Variants in KAT6B observed in about 807,000 individuals in gnomAD.
KAT6B encodes lysine acetyltransferase 6B.
Under a neutral mutation model 187.5 loss-of-function variants are expected in KAT6B, and 10 were observed. That is an observed-to-expected ratio of 0.05 (90% CI 0.03 to 0.09). KAT6B has a LOEUF of 0.09. Among genes scored for constraint, KAT6B ranks in the 10% least tolerant of loss-of-function variants. KAT6B has a pLI of 1.00. For synonymous variants in KAT6B, 861 were observed against 926.8 expected, an observed-to-expected ratio of 0.93 and a Z score of 1.29; for missense variants, 1,952 against 2,558.9, an observed-to-expected ratio of 0.76 and a Z score of 5.12.
chr10:74,895,721 A>G (rs189801576), intron 3 of KAT6B, among the ~76,000 whole-genome samples: 25 of 152,108 alleles, frequency 1.6e-4, no homozygotes, highest in Admixed American at 5.2e-4. Context: ...TGTATTTTTA[A>G]TAAAGATGAA....
In KAT6B at chr10:75,030,165, C is replaced by G. The variant is rs1364129078; in HGVS notation, c.5341C>G (p.Leu1781Val). 2 of 1,614,270 alleles carry G rather than the reference C, an allele frequency of 1.2e-6. No individual in the cohort carries two copies. The highest frequency in any genetic ancestry group is 2.2e-5 in the South Asian group (2 of 91,090). Residue 1781 changes from leucine to valine, a missense_variant, in exon 18 of 18, where the codon CTG becomes GTG. By Grantham distance (32) the Leu-to-Val change is conservative. Coordinates refer to ENST00000287239, the MANE Select transcript of KAT6B (RefSeq NM_012330.4). This position sits in a 1 kb window ranked among gnomAD's most constrained non-coding sequence, Gnocchi z 4.8. Reference sequence around the variant, plus strand: ...TGCTAACTTCACCCCACCCATGCAGCTGGCTGAAATCCCCGAGACGAGCAA... The same window carrying G: ...TGCTAACTTCACCCCACCCATGCAGGTGGCTGAAATCCCCGAGACGAGCAA... ...MAANFTPPMQ[L>V]AEIPETSNAN... is the part of the protein sequence containing the mutation.
intron 3 of KAT6B, among the ~76,000 whole-genome samples, chr10:74,864,083 T>C (rs545129323): frequency 6.6e-6 from 1 of 152,184 alleles, no homozygotes; most frequent in African/African-American, 2.4e-5. Flanking sequence ...GTTGTTGTTT[T>C]TTTGAGACAG....
chr10:74,907,625 G>A (rs749738572), intron 3 of KAT6B, among the ~76,000 whole-genome samples: 1 of 151,994 alleles, frequency 6.6e-6, no homozygotes, highest in Non-Finnish European at 1.5e-5. Flanking sequence ...TGCCTCCTGG[G>A]TTCAAGCAAT....
intron 1 of KAT6B, among the ~76,000 whole-genome samples, chr10:74,837,971 G>A (rs1334473165): frequency 2.0e-5 from 3 of 152,052 alleles, no homozygotes; most frequent in African/African-American, 4.8e-5. Flanking sequence ...AGATTAAATC[G>A]AGGAGTGGGG....
intron 7 of KAT6B, 57 bp from the exon 8 acceptor site, chr10:74,975,342 A>T: frequency 6.7e-7 from 1 of 1,485,686 alleles, no homozygotes; most frequent in Non-Finnish European, 9.3e-7. Flanking sequence ...TTGTTTTTAG[A>T]TACCTTTATA....
chr10:74,888,500 A>G (rs186993601), intron 3 of KAT6B, among the ~76,000 whole-genome samples: 1 of 152,348 alleles, frequency 6.6e-6, no homozygotes, highest in East Asian at 1.9e-4. Flanking sequence ...AACTTCATTA[A>G]TAATTAGTGA....
intron 3 of KAT6B, among the ~76,000 whole-genome samples, chr10:74,919,087 G>A (rs1326445145): frequency 1.3e-5 from 2 of 151,962 alleles, no homozygotes; most frequent in African/African-American, 4.8e-5. Flanking sequence ...GCCAGGCGTG[G>A]TGGCAGGTGC....
Position 75,029,426 on chromosome 10 carries a change from C to T in KAT6B, c.4602C>T (p.Thr1534=), listed in dbSNP as rs766230039. The T allele has an allele frequency of 2.5e-6, 4 of 1,614,086 alleles. No individual in the cohort carries two copies. In the South Asian group the frequency reaches 4.4e-5, roughly 18 times the overall value. ...DTEFKEGNPA[T]MEIDSETVQA... ...AGTTCAAAGAGGGAAACCCAGCAAC[C>T]ATGGAAATCGACTCTGAGACTGTCC... The change falls in exon 18 of 18, where the codon ACC becomes ACT. Residue 1534 remains threonine, a synonymous_variant. Coordinates refer to ENST00000287239, the MANE Select transcript of KAT6B (RefSeq NM_012330.4). The surrounding 1 kb of genome is among the most constrained non-coding windows in gnomAD (Gnocchi z 6.2).
At chr10:74,968,947 G>A (rs151117134) in intron 4 of KAT6B, among the ~76,000 whole-genome samples, 248 of 152,180 alleles carry the variant, frequency 1.6e-3, no homozygotes, top group African/African-American at 5.8e-3. Context: ...TAGGTGAAAA[G>A]TGTGCCCCAA....
chr10:74,981,146 G>A (rs1224949018), intron 10 of KAT6B, among the ~76,000 whole-genome samples: 5 of 152,112 alleles, frequency 3.3e-5, no homozygotes, highest in Non-Finnish European at 5.9e-5. Flanking sequence ...TAGGGTGGTG[G>A]TTCCACATCT....
At position 75,030,715 on chromosome 10, in the gene KAT6B, G is replaced by T; in HGVS notation, c.5891G>T (p.Gly1964Val). 1 of 1,614,236 alleles carries T rather than the reference G, an allele frequency of 6.2e-7. No individual in the cohort carries two copies. The highest frequency in any genetic ancestry group is 8.5e-7 in the Non-Finnish European group (1 of 1,180,042). The change falls in exon 18 of 18, where the codon GGC becomes GTC. Residue 1964 changes from glycine to valine, a missense_variant. This residue lies in a region of KAT6B where 358 missense variants were observed against 436.3 expected (regional missense o/e 0.82). Coordinates refer to ENST00000287239, the MANE Select transcript of KAT6B (RefSeq NM_012330.4). This position sits in a 1 kb window ranked among gnomAD's most constrained non-coding sequence, Gnocchi z 4.8. The stretch of plus-strand genomic sequence containing the variant: ...GCACGGACTTTAACGATGCAAAGAG[G>T]CATGAACATGAGTGTGAACCTGATG... Reference protein sequence around the residue: ...GPARTLTMQRGMNMSVNLMPA... With the variant: ...GPARTLTMQRVMNMSVNLMPA...
chr10:74,897,971 G>A (rs1209743717), intron 3 of KAT6B, among the ~76,000 whole-genome samples: 1 of 152,062 alleles, frequency 6.6e-6, no homozygotes, highest in East Asian at 1.9e-4. Context: ...GCCATAGCAA[G>A]CATAACAGAC....
At chr10:74,880,313 G>A (rs1844754736) in intron 3 of KAT6B, among the ~76,000 whole-genome samples, 1 of 152,172 alleles carries the variant, frequency 6.6e-6, no homozygotes, top group African/African-American at 2.4e-5. Flanking sequence ...TCATATAAAT[G>A]GAATCCTATG....
At chr10:74,831,657 C>CAGGT (rs1490783104) in intron 1 of KAT6B, among the ~76,000 whole-genome samples, 1 of 152,212 alleles carries the variant, frequency 6.6e-6, no homozygotes. Context: ...TTAGATTTTA[C>CAGGT]AGGTCTCCAG....
At chr10:74,859,357 T>C (rs905173626) in intron 3 of KAT6B, among the ~76,000 whole-genome samples, 9 of 152,172 alleles carry the variant, frequency 5.9e-5, no homozygotes, top group African/African-American at 1.9e-4. Context: ...AGTGCTGGGA[T>C]TATAGGCGTG....
At chr10:74,980,375 A>T (rs1002922219) in intron 10 of KAT6B, among the ~76,000 whole-genome samples, 1 of 152,184 alleles carries the variant, frequency 6.6e-6, no homozygotes, top group Non-Finnish European at 1.5e-5. Flanking sequence ...TATAGAATAG[A>T]TCTTATTTTT....
At chr10:74,941,623 A>G (rs1185778648) in intron 3 of KAT6B, among the ~76,000 whole-genome samples, 3 of 152,184 alleles carry the variant, frequency 2.0e-5, no homozygotes, top group Admixed American at 6.5e-5. Flanking sequence ...ACACACACAC[A>G]TGCATGCACA....
intron 3 of KAT6B, among the ~76,000 whole-genome samples, chr10:74,856,985 G>T (rs1432107722): frequency 2.0e-5 from 3 of 152,190 alleles, no homozygotes; most frequent in South Asian, 4.1e-4. Context: ...AATAATTTCA[G>T]CTTGTCTCAT....
intron 4 of KAT6B, among the ~76,000 whole-genome samples, chr10:74,961,769 C>T (rs148413636): frequency 2.6e-5 from 4 of 152,260 alleles, no homozygotes; most frequent in African/African-American, 9.6e-5. Context: ...TCTTACTTTT[C>T]GCTCAGACTT....
Sources: gnomAD v4.1 joint callset for allele counts (sites outside exome capture counted in the v4.1 genomes callset) on GRCh38, gnomAD v4.1.1 for gene constraint, gnomAD v4.1.1 regional missense constraint, Gnocchi (gnomAD v3.1) non-coding constraint, MANE v1.5 for transcripts, NCBI Gene and HGNC (gene_info 2026-07-23, HGNC 2026-07-21) for gene names.